The following DAPK1 variants were observed in gnomAD, a reference collection of about 807,000 sequenced individuals.
The protein encoded by DAPK1 is death associated protein kinase 1.
A neutral mutation model predicts 144.9 loss-of-function variants in DAPK1; 56 were observed. The ratio of observed to expected loss-of-function variants is 0.39; its 90% confidence interval spans 0.31 to 0.48. DAPK1 has a LOEUF of 0.48. DAPK1 is among the 20% of genes least tolerant of loss of function. The pLI is 0.95. For synonymous variants in DAPK1, 690 were observed against 749.0 expected, an observed-to-expected ratio of 0.92 and a Z score of 1.29; for missense variants, 1,454 against 1,875.4, an observed-to-expected ratio of 0.78 and a Z score of 4.15.
chr9:87,606,693 T>C (rs1828734974), intron 3 of DAPK1, among the ~76,000 whole-genome samples: 1 of 53,560 alleles, frequency 1.9e-5, no homozygotes, highest in Non-Finnish European at 3.4e-5. Flanking sequence ...CCTCCCTCTC[T>C]CCTTCCTTCC....
chr9:87,696,970 G>A lies in DAPK1; in HGVS notation c.2414-37G>A, dbSNP rs374479323. The A allele has an allele frequency of 1.7e-5, 17 of 1,022,700 alleles. No homozygotes were observed. In the African/African-American group the frequency reaches 2.4e-4, roughly 14 times the overall value. The allele number at this position is 1,022,700 out of a possible 1,614,324, so 63.4% of individuals were successfully genotyped here. ...ATTTATGATTGAAATTTGGTTAGTGGTGTTTCACGATTGTTATCATTTTTC... is the reference window on the plus strand; with the variant it reads ...ATTTATGATTGAAATTTGGTTAGTGATGTTTCACGATTGTTATCATTTTTC... On this transcript the variant is annotated intron_variant, in intron 21 of 25. Transcript: ENST00000408954.
chr9:87,684,204 G>A (rs1439509498), intron 20 of DAPK1, among the ~76,000 whole-genome samples: 2 of 152,236 alleles, frequency 1.3e-5, no homozygotes. Flanking sequence ...TGTGTTGGGG[G>A]CCAACGGAGC....
intron 17 of DAPK1, among the ~76,000 whole-genome samples, chr9:87,652,909 C>G (rs377111796): frequency 7.3e-6 from 1 of 137,606 alleles, no homozygotes; most frequent in East Asian, 2.2e-4. Context: ...ATCCCGGGTC[C>G]TGATTCTGTG....
intron 2 of DAPK1, among the ~76,000 whole-genome samples, chr9:87,578,651 T>A (rs940346120): frequency 1.3e-5 from 2 of 152,340 alleles, no homozygotes; most frequent in African/African-American, 4.8e-5. Context: ...TTGGCTATTA[T>A]CTTAAAATAC....
intron 19 of DAPK1, among the ~76,000 whole-genome samples, chr9:87,680,224 C>A (rs1436615812): frequency 6.6e-6 from 1 of 152,182 alleles, no homozygotes; most frequent in Admixed American, 6.5e-5. Context: ...CCTGCCTCAG[C>A]CTCCCGAGTA....
chr9:87,622,898 G>C (rs1261374852), intron 3 of DAPK1, among the ~76,000 whole-genome samples: 3 of 151,978 alleles, frequency 2.0e-5, no homozygotes, highest in Non-Finnish European at 4.4e-5. Context: ...GCGGCAGAGT[G>C]AGACTCCATC....
In DAPK1 at chr9:87,706,751, T is replaced by A. The variant is rs1410253996; in HGVS notation, c.3680T>A (p.Leu1227Gln). 1 of 1,613,332 alleles carries A rather than the reference T, an allele frequency of 6.2e-7. No homozygotes were observed. The highest frequency in any genetic ancestry group is 8.5e-7 in the Non-Finnish European group (1 of 1,179,900). Residue 1227 changes from leucine (L) to glutamine (Q), a missense_variant, in exon 26 of 26, where the codon CTG (leucine) becomes CAG (glutamine). Leu to Gln is a moderately radical substitution (Grantham distance 113, BLOSUM62 -2). Coordinates refer to ENST00000408954, the MANE Select transcript of DAPK1 (RefSeq NM_004938.4). The surrounding 1 kb of genome is among the most constrained non-coding windows in gnomAD (Gnocchi z 9.0). Reference protein sequence around the residue: ...STIENVMATTLPGLLTVKHYL... With the variant: ...STIENVMATTQPGLLTVKHYL... ...ATTGAGAACGTCATGGCCACCACGC[T>A]GCCAGGGCTCCTGACCGTGAAGCAT...
intron 2 of DAPK1, among the ~76,000 whole-genome samples, chr9:87,563,120 G>A (rs973636217): frequency 2.0e-4 from 31 of 152,316 alleles, no homozygotes; most frequent in African/African-American, 7.5e-4. Context: ...TTGTCTGGAA[G>A]CATTTTGTAA....
intron 19 of DAPK1, among the ~76,000 whole-genome samples, chr9:87,672,260 G>A (rs766271018): frequency 8.5e-5 from 13 of 152,168 alleles, no homozygotes; most frequent in Admixed American, 2.6e-4. Flanking sequence ...ACCATTGAGC[G>A]CTCAGTGTGT....
At chr9:87,685,861 A>G (rs1314950293) in intron 20 of DAPK1, among the ~76,000 whole-genome samples, 2 of 152,376 alleles carry the variant, frequency 1.3e-5, no homozygotes, top group East Asian at 3.9e-4. Flanking sequence ...TGCAGTGAAC[A>G]GCAACCAATG....
intron 2 of DAPK1, among the ~76,000 whole-genome samples, chr9:87,563,065 C>T (rs1826990190): frequency 6.6e-6 from 1 of 152,172 alleles, no homozygotes; most frequent in Non-Finnish European, 1.5e-5. Flanking sequence ...ATTTCAGGGG[C>T]AGATCTTGGG....
chr9:87,662,803 G>A (rs536659549), intron 18 of DAPK1, among the ~76,000 whole-genome samples: 15 of 151,824 alleles, frequency 9.9e-5, no homozygotes, highest in African/African-American at 3.4e-4. Context: ...TTTCCAATTT[G>A]GATGCCTCTA....
At chr9:87,574,688 G>T (rs1827477909) in intron 2 of DAPK1, among the ~76,000 whole-genome samples, 1 of 152,174 alleles carries the variant, frequency 6.6e-6, no homozygotes, top group Admixed American at 6.5e-5. Context: ...GGGAGGCCAA[G>T]GTGGGCAAAT....
chr9:87,641,598 C>T (rs2119138366), intron 9 of DAPK1, among the ~76,000 whole-genome samples: 1 of 152,312 alleles, frequency 6.6e-6, no homozygotes, highest in East Asian at 1.9e-4. Flanking sequence ...ATAGGCCAAA[C>T]TAACTTTGCT....
At chr9:87,680,907 T>C (rs1304268199) in intron 19 of DAPK1, among the ~76,000 whole-genome samples, 5 of 152,206 alleles carry the variant, frequency 3.3e-5, no homozygotes. Context: ...TAAAAGCCTC[T>C]GAATTTCACA....
intron 1 of DAPK1, chr9:87,498,477 G>T: frequency 3.9e-6 from 1 of 258,216 alleles, no homozygotes; most frequent in Non-Finnish European, 7.2e-6. Context: ...GGACTGCCTC[G>T]CTCGGGGAAG....
rs36206205 is a variant in DAPK1, at chr9:87,593,558, A to G, written c.63-11396A>G. 8.9e-4 allele frequency among the ~76,000 whole-genome samples: 136 copies of G among 152,316 alleles called. 3 individuals carry two copies. In the East Asian group the frequency reaches 0.026, roughly 29 times the overall value. ...TAGAGTATTTGCATGGTAATGACCT[A>G]TGCCGTCAGACTACCAAGCTCTGTC... On this transcript the variant is annotated intron_variant, in intron 2 of 25. Transcript: ENST00000408954.
chr9:87,545,627 A>G (rs71508563), intron 2 of DAPK1, among the ~76,000 whole-genome samples: 2 of 152,072 alleles, frequency 1.3e-5, no homozygotes, highest in East Asian at 1.9e-4. Context: ...GCTCACTGCA[A>G]CCTCTGCCTC....
intron 2 of DAPK1, among the ~76,000 whole-genome samples, chr9:87,558,055 T>A (rs1216936472): frequency 6.6e-6 from 1 of 152,252 alleles, no homozygotes; most frequent in Non-Finnish European, 1.5e-5. Flanking sequence ...TCAGCCATAA[T>A]AAATCTTTCA....
Sources: gnomAD v4.1 joint callset for allele counts (sites outside exome capture counted in the v4.1 genomes callset) on GRCh38, gnomAD v4.1.1 for gene constraint, Gnocchi (gnomAD v3.1) non-coding constraint, MANE v1.5 for transcripts, NCBI Gene and HGNC (gene_info 2026-07-23, HGNC 2026-07-21) for gene names.